STX18: variants seen among roughly 807,000 people sequenced by gnomAD.
STX18 encodes syntaxin 18.
A neutral mutation model predicts 50.1 loss-of-function variants in STX18; 40 were observed. The ratio of observed to expected loss-of-function variants is 0.80; its 90% CI spans 0.62 to 1.04. STX18 has a LOEUF of 1.04. STX18 is among the 50% of genes least tolerant of loss of function. The pLI is 0.00. For synonymous variants in STX18, 158 were observed against 151.8 expected, an observed-to-expected ratio of 1.04 and a Z score of -0.30; for missense variants, 410 against 415.8, an observed-to-expected ratio of 0.99 and a Z score of 0.12.
At position 4,463,534 on chromosome 4, in the gene STX18, A is replaced by G. The variant is rs1365210768; in HGVS notation, c.237-4047T>C. ...TGTGAATCAAACCAACACTCTAAGC[A>G]TTTACTTTGCTGGATTTCTTTTCAA... is the stretch of plus-strand genomic sequence containing the variant. On this transcript the variant is annotated intron_variant, in intron 2 of 10. Coordinates refer to ENST00000306200, the MANE Select transcript of STX18 (RefSeq NM_016930.4). Among the ~76,000 whole-genome samples the G allele has an allele frequency of 2.6e-5, 4 of 152,322 alleles. No individual in the cohort carries two copies. The East Asian group carries it at 5.8e-4, about 22-fold the overall frequency.
intron 2 of STX18, among the ~76,000 whole-genome samples, chr4:4,469,097 G>T (rs1312757840): frequency 1.3e-5 from 2 of 152,140 alleles, no homozygotes; most frequent in Non-Finnish European, 2.9e-5. Context: ...TGGTGATTAG[G>T]AAGTCACAGA....
rs550631633 is a variant in STX18 at position 4,484,528 on chromosome 4, T to A, written c.169-12822A>T. Among the ~76,000 whole-genome samples the A allele has an allele frequency of 9.2e-5, 14 of 152,252 alleles. 1 individual carries two copies. In the South Asian group the frequency reaches 2.9e-3, roughly 32 times the overall value. On this transcript the variant is annotated intron_variant, in intron 1 of 10. Transcript: ENST00000306200. ...ATCATTATGCCATTAAAGACATCTA[T>A]AATGAAAAATCATCATTCAAAAAAT...
intron 1 of STX18, among the ~76,000 whole-genome samples, chr4:4,521,855 CTG>C (rs1241212124): frequency 1.3e-5 from 2 of 152,090 alleles, no homozygotes; most frequent in African/African-American, 2.4e-5. Context: ...CTATAAGAAA[CTG>C]TTAAATATAA....
chr4:4,445,696 G>C (rs1030988962), intron 5 of STX18, among the ~76,000 whole-genome samples: 1 of 152,030 alleles, frequency 6.6e-6, no homozygotes, highest in Non-Finnish European at 1.5e-5. Flanking sequence ...TAAAGTGGAA[G>C]ACAGAAATAA....
rs1724862864 is a variant in STX18 at position 4,420,285 on chromosome 4, T to A, written c.913-156A>T. 1.6e-6 allele frequency: 1 copy of A among 614,290 alleles called. No individual in the cohort carries two copies. The highest frequency in any genetic ancestry group is 2.9e-6 in the Non-Finnish European group (1 of 345,764). 38.1% of individuals were successfully genotyped at this position (614,290 alleles called of 1,614,324 possible). ...TACCTTGAATAGATGGCTTTTGAGA[T>A]CCACCAGAAGACAAATGGGTTATAT... On this transcript the variant is annotated intron_variant, in intron 10 of 10. Coordinates refer to ENST00000306200, the MANE Select transcript of STX18 (RefSeq NM_016930.4). The surrounding 1 kb of genome is among the most constrained non-coding windows in gnomAD (Gnocchi z 4.3).
chr4:4,457,389 T>C (rs1395236789), intron 4 of STX18, 34 bp downstream of exon 4: 2 of 1,589,558 alleles, frequency 1.3e-6, no homozygotes, highest in Non-Finnish European at 1.7e-6. Context: ...TATTGTGAAA[T>C]GTTACATTTG....
chr4:4,442,289 G>C (rs1296947074), intron 5 of STX18, among the ~76,000 whole-genome samples: 1 of 151,950 alleles, frequency 6.6e-6, no homozygotes, highest in Non-Finnish European at 1.5e-5. Context: ...AAATGCATCA[G>C]AGATATACAC....
At chr4:4,525,614 T>A (rs1730713961) in intron 1 of STX18, among the ~76,000 whole-genome samples, 1 of 152,162 alleles carries the variant, frequency 6.6e-6, no homozygotes, top group East Asian at 1.9e-4. Flanking sequence ...AAGGCTGTAT[T>A]ACTGGGTACA....
intron 1 of STX18, among the ~76,000 whole-genome samples, chr4:4,537,125 T>G (rs1201728108): frequency 1.3e-5 from 2 of 152,154 alleles, no homozygotes; most frequent in Non-Finnish European, 2.9e-5. Flanking sequence ...TAGCCCCCCC[T>G]GGCTCCTGTA....
intron 2 of STX18, among the ~76,000 whole-genome samples, chr4:4,466,173 G>A (rs1302509954): frequency 6.6e-6 from 1 of 152,158 alleles, no homozygotes; most frequent in Non-Finnish European, 1.5e-5. Flanking sequence ...TTTCAGATAG[G>A]AAGGCAGGGC....
chr4:4,541,230 TC>T (rs1484306610), intron 1 of STX18, among the ~76,000 whole-genome samples: 1 of 152,162 alleles, frequency 6.6e-6, no homozygotes, highest in Admixed American at 6.5e-5. Flanking sequence ...CCTGCTCTGA[TC>T]AGGGAACAGA....
At chr4:4,487,020 A>G (rs1038462806) in intron 1 of STX18, among the ~76,000 whole-genome samples, 1 of 152,202 alleles carries the variant, frequency 6.6e-6, no homozygotes, top group Admixed American at 6.5e-5. Context: ...ACATATACAC[A>G]AAAACAAAAA....
intron 1 of STX18, among the ~76,000 whole-genome samples, chr4:4,523,446 T>C (rs1290110105): frequency 6.6e-6 from 1 of 152,196 alleles, no homozygotes; most frequent in Non-Finnish European, 1.5e-5. Flanking sequence ...TCCAGTACAT[T>C]TCTATATTTA....
intron 1 of STX18, among the ~76,000 whole-genome samples, chr4:4,533,345 A>G (rs1362354487): frequency 6.6e-6 from 1 of 152,260 alleles, no homozygotes; most frequent in East Asian, 1.9e-4. Context: ...ATTTCCATGT[A>G]GTAAGAGACG....
At chr4:4,470,466 G>A (rs1344238143) in intron 2 of STX18, among the ~76,000 whole-genome samples, 1 of 152,196 alleles carries the variant, frequency 6.6e-6, no homozygotes, top group East Asian at 1.9e-4. Context: ...AAATATGGGT[G>A]AGGAACTATG....
In STX18 at chr4:4,434,770, C is replaced by A. The variant is rs1725689131; in HGVS notation, c.702G>T (p.Met234Ile). ...EDELSPEEIQ[M>I]FEQENQRLIG... ...ATAATTAGGCAGAGAATAGCATTACCATTTGTATTTCTTCTGGGGATAACT... is the reference window on the plus strand; with the variant it reads ...ATAATTAGGCAGAGAATAGCATTACAATTTGTATTTCTTCTGGGGATAACT... The change falls in exon 7 of 11, where the codon ATG (methionine) becomes ATT (isoleucine). Residue 234 changes from methionine (M) to isoleucine (I), a missense_variant and splice_region_variant. Met to Ile is a conservative substitution (Grantham distance 10, BLOSUM62 1). Transcript: ENST00000306200. The A allele has an allele frequency of 2.5e-6, 4 of 1,602,208 alleles. No homozygotes were observed. The East Asian group carries it at 9.0e-5, about 36-fold the overall frequency.
chr4:4,458,639 C>T (rs1458015412), intron 3 of STX18, among the ~76,000 whole-genome samples: 2 of 152,194 alleles, frequency 1.3e-5, no homozygotes, highest in Admixed American at 6.5e-5. Context: ...ATCTCATTGT[C>T]TCAGTGAGAA....
intron 5 of STX18, among the ~76,000 whole-genome samples, chr4:4,450,872 T>A (rs1726709824): frequency 6.6e-6 from 1 of 152,236 alleles, no homozygotes; most frequent in Non-Finnish European, 1.5e-5. Context: ...AAAGGACTCC[T>A]TTAATGTCTG....
At chr4:4,503,936 G>A (rs116240487) in intron 1 of STX18, among the ~76,000 whole-genome samples, 4 of 152,178 alleles carry the variant, frequency 2.6e-5, no homozygotes, top group African/African-American at 7.2e-5. Flanking sequence ...TTAAACTTAC[G>A]ATAAAGAATT....
Sources: gnomAD v4.1 joint callset for allele counts (sites outside exome capture counted in the v4.1 genomes callset) on GRCh38, gnomAD v4.1.1 for gene constraint, Gnocchi (gnomAD v3.1) non-coding constraint, MANE v1.5 for transcripts, NCBI Gene and HGNC (gene_info 2026-07-23, HGNC 2026-07-21) for gene names.